PAX8: variants seen among roughly 807,000 people sequenced by gnomAD.
The protein encoded by PAX8 is paired box protein Pax-8.
In PAX8, 15 loss-of-function variants were observed where a neutral mutation model predicts 52.4. The observed-to-expected ratio is 0.29, with a 90% CI of 0.19 to 0.44. The LOEUF (loss-of-function observed/expected upper bound fraction) is 0.44. Ranked by LOEUF, PAX8 falls within the 20% of genes least tolerant of loss-of-function variation. PAX8 has a pLI of 1.00. For synonymous variants in PAX8, 284 were observed against 249.7 expected, an observed-to-expected ratio of 1.14 and a Z score of -1.29; for missense variants, 554 against 602.5, an observed-to-expected ratio of 0.92 and a Z score of 0.84.
intron 2 of PAX8, chr2:113,271,240 T>A (rs1266903627): frequency 1.3e-5 from 2 of 152,256 alleles, no homozygotes; most frequent in Admixed American, 1.3e-4. Context: ...CCAGCCACTC[T>A]GAAGCTGTTC....
At chr2:113,225,927 T>C in intron 10 of PAX8, 3 of 982,900 alleles carry the variant, frequency 3.1e-6, no homozygotes, top group Non-Finnish European at 3.6e-6. Flanking sequence ...CCAATCTCAT[T>C]TCACGCTCCA....
chr2:113,224,344 C>T (rs1183687388), intron 10 of PAX8, among the ~76,000 whole-genome samples: 1 of 151,904 alleles, frequency 6.6e-6, no homozygotes, highest in Non-Finnish European at 1.5e-5. Context: ...GCCAGGAGTT[C>T]GAGACCAGCC....
Position 113,241,456 on chromosome 2 carries a change from T to C in PAX8, c.777+95A>G, listed in dbSNP as rs751093496. On this transcript the variant is annotated intron_variant, in intron 7 of 11. Coordinates refer to ENST00000429538, the MANE Select transcript of PAX8 (RefSeq NM_003466.4). The stretch of plus-strand genomic sequence containing the variant: ...GGTGCCCTGAGCCCATTGATGCAAC[T>C]TCCAGCTGCTTTGATGGAGCACAGG... 7.0e-6 allele frequency: 9 copies of C among 1,288,556 alleles called. No homozygotes were observed. In the African/African-American group the frequency reaches 1.2e-4, roughly 17 times the overall value. 79.8% of individuals were successfully genotyped at this position (1,288,556 alleles called of 1,614,324 possible).
In PAX8 at chr2:113,217,037, CG is replaced by C. The variant is rs1689049508; in HGVS notation, c.*1495del. The C allele has an allele frequency of 4.3e-6, 1 of 231,132 alleles. No homozygotes were observed. Among genetic ancestry groups the C allele is most frequent in the Admixed American group, 5.6e-5 (1 of 17,712 alleles). 14.3% of individuals were successfully genotyped at this position (231,132 alleles called of 1,614,324 possible). ...TGCAGGCTCCAGTCACAGCTATTCCCGGATCCCTCACTAACCCACCCTGCTG... is the reference window on the plus strand; with the variant it reads ...TGCAGGCTCCAGTCACAGCTATTCCCGATCCCTCACTAACCCACCCTGCTG... On this transcript the variant is annotated 3_prime_UTR_variant, in exon 12 of 12. Coordinates refer to ENST00000429538, the MANE Select transcript of PAX8 (RefSeq NM_003466.4).
At chr2:113,264,013 A>G (rs915579528) in intron 2 of PAX8, among the ~76,000 whole-genome samples, 1 of 152,256 alleles carries the variant, frequency 6.6e-6, no homozygotes, top group African/African-American at 2.4e-5. Flanking sequence ...TGAAGCACTT[A>G]GTATATGTCT....
At chr2:113,230,353 TTCCAGGGCATATAC>T (rs1689816223) in intron 9 of PAX8, among the ~76,000 whole-genome samples, 1 of 152,002 alleles carries the variant, frequency 6.6e-6, no homozygotes, top group South Asian at 2.1e-4. Flanking sequence ...GCAGGCAGAG[TTCCAGGGCATATAC>T]TCCCCTTACA....
rs139447678 is a variant in PAX8 at position 113,274,215 on chromosome 2, G to A, written c.25+4155C>T. On this transcript the variant is annotated intron_variant, in intron 2 of 11. Transcript: ENST00000429538. ...TTATAAATCCCAGAGCACAATGTGC[G>A]TTTTCTTACTTCCTTTTCATGGACC... The A allele has an allele frequency of 1.1e-3, 165 of 152,172 alleles. 3 individuals are homozygous for A. Among genetic ancestry groups the A allele is most frequent in the African/African-American group, 3.8e-3 (158 of 41,514 alleles). 9.4% of individuals were successfully genotyped at this position (152,172 alleles called of 1,614,324 possible).
rs751144535 is a variant in PAX8, at chr2:113,236,698, G to A, written c.801C>T (p.Leu267=). The change falls in exon 8 of 12, where the codon CTC becomes CTT. Residue 267 remains leucine (L), a synonymous_variant. Transcript: ENST00000429538. ...CCTTCCCGTCGTCCAGGGTGCTGTT[G>A]AGCAAGGGCAGCGGGTAGAGGCCCT... ...GEQGLYPLPL[L]NSTLDDGKAT... 6.3e-7 allele frequency: 1 copy of A among 1,580,274 alleles called. No individual in the cohort carries two copies. The highest frequency in any genetic ancestry group is 1.2e-5 in the South Asian group (1 of 86,160).
At chr2:113,233,349 G>A (rs572196174) in intron 9 of PAX8, among the ~76,000 whole-genome samples, 1 of 142,590 alleles carries the variant, frequency 7.0e-6, no homozygotes, top group South Asian at 2.2e-4. Context: ...AAAAAAACCC[G>A]GGTGCCAGCC....
intron 10 of PAX8, among the ~76,000 whole-genome samples, chr2:113,223,493 GC>G (rs1254010497): frequency 1.3e-5 from 2 of 152,136 alleles, no homozygotes; most frequent in African/African-American, 2.4e-5. Context: ...AATCAGAGTA[GC>G]CTTTTAAAAC....
chr2:113,244,404 C>T (rs756144372), intron 4 of PAX8, 23 bp downstream of exon 4: 7 of 1,596,046 alleles, frequency 4.4e-6, no homozygotes, highest in South Asian at 2.2e-5. Context: ...CAGCCTGACA[C>T]CAGAGGCTGC....
At chr2:113,246,129 G>A (rs2104505094) in intron 3 of PAX8, among the ~76,000 whole-genome samples, 1 of 152,378 alleles carries the variant, frequency 6.6e-6, no homozygotes, top group East Asian at 1.9e-4. Flanking sequence ...CAGAGAATTA[G>A]AGTCACTTGC....
chr2:113,220,701 T>G (rs1019389167), intron 10 of PAX8, among the ~76,000 whole-genome samples: 1 of 152,088 alleles, frequency 6.6e-6, no homozygotes, highest in Non-Finnish European at 1.5e-5. Context: ...TCGCTAGGTA[T>G]GAGTGTGTGT....
chr2:113,223,170 A>T (rs919030300), intron 10 of PAX8, among the ~76,000 whole-genome samples: 5 of 151,166 alleles, frequency 3.3e-5, no homozygotes, highest in African/African-American at 1.2e-4. Context: ...GGCCCAAAAA[A>T]CTCTTGATTT....
chr2:113,277,397 C>A (rs1693898193), intron 2 of PAX8, among the ~76,000 whole-genome samples: 1 of 152,244 alleles, frequency 6.6e-6, no homozygotes, highest in African/African-American at 2.4e-5. Context: ...TCCGACCCTC[C>A]TTATTATAAC....
At chr2:113,238,357 G>A (rs3762497) in intron 7 of PAX8, 47,466 of 152,266 alleles carry the variant, frequency 0.31, 7,471 homozygotes, top group South Asian at 0.43. Flanking sequence ...GGCATGAGCC[G>A]TTGCACCTGG....
chr2:113,261,975 G>T (rs937329578), intron 2 of PAX8, among the ~76,000 whole-genome samples: 1 of 151,790 alleles, frequency 6.6e-6, no homozygotes. Context: ...GATTATAGCC[G>T]CCCACCACCA....
At chr2:113,248,823 G>A (rs1691532955) in intron 2 of PAX8, among the ~76,000 whole-genome samples, 1 of 151,934 alleles carries the variant, frequency 6.6e-6, no homozygotes, top group Admixed American at 6.6e-5. Flanking sequence ...AAAACTAGCT[G>A]GGCATGGTGG....
intron 8 of PAX8, chr2:113,235,861 G>A: frequency 2.0e-6 from 1 of 488,384 alleles, no homozygotes; most frequent in Non-Finnish European, 3.6e-6. Flanking sequence ...GGAGACCCGG[G>A]AGCGGCCTAG....
Sources: allele counts gnomAD v4.1 joint callset (sites outside exome capture counted in the v4.1 genomes callset), GRCh38; gene constraint gnomAD v4.1.1; transcripts MANE v1.5; gene names NCBI Gene and HGNC (gene_info 2026-07-23, HGNC 2026-07-21).